ROBO1: variants seen among roughly 807,000 people sequenced by gnomAD.
ROBO1 encodes roundabout guidance receptor 1, also known as roundabout homolog 1.
Under a neutral mutation model 195.9 loss-of-function variants are expected in ROBO1, and 149 were observed. The observed-to-expected ratio is 0.76, with a 90% confidence interval of 0.67 to 0.87. The LOEUF (loss-of-function observed/expected upper bound fraction) is 0.87, where lower values mean the gene tolerates loss of function less well. ROBO1 is among the 40% of genes least tolerant of loss of function. The probability of loss-of-function intolerance (pLI) is 0.00; values close to 1 mark genes in which losing one functional copy is unlikely to be tolerated. For missense variants in ROBO1, 1,933 were observed against 2,068.3 expected (o/e 0.93, Z 1.27); for synonymous variants, 816 against 733.2 (o/e 1.11, Z -1.82).
intron 3 of ROBO1, among the ~76,000 whole-genome samples, chr3:78,984,984 T>C (rs2077073647): frequency 6.6e-6 from 1 of 152,186 alleles, no homozygotes; most frequent in Admixed American, 6.5e-5. Context: ...GAAGACTTTA[T>C]GATGATCAAC....
At chr3:78,611,354 G>C (rs9815960) in intron 28 of ROBO1, among the ~76,000 whole-genome samples, 9,061 of 152,224 alleles carry the variant, frequency 0.06, 403 homozygotes, top group African/African-American at 0.12. Flanking sequence ...GCATTAGAGA[G>C]GTTGAAGAGA....
intron 1 of ROBO1, among the ~76,000 whole-genome samples, chr3:79,593,689 C>T (rs972817267): frequency 6.6e-6 from 1 of 151,962 alleles, no homozygotes; most frequent in Non-Finnish European, 1.5e-5. Context: ...TGGCTCACTG[C>T]AACCTCCGCC....
At chr3:79,022,170 A>C (rs1365473594) in intron 3 of ROBO1, among the ~76,000 whole-genome samples, 1 of 152,194 alleles carries the variant, frequency 6.6e-6, no homozygotes, top group Non-Finnish European at 1.5e-5. Context: ...GGCATTACGG[A>C]TCTATAAGAA....
intron 4 of ROBO1, among the ~76,000 whole-genome samples, chr3:78,756,633 T>C (rs2082939200): frequency 2.0e-5 from 3 of 152,238 alleles, no homozygotes; most frequent in East Asian, 1.9e-4. Flanking sequence ...TTTTTCTCTC[T>C]CCTTTGTGTG....
intron 1 of ROBO1, among the ~76,000 whole-genome samples, chr3:79,639,494 A>T (rs997263462): frequency 6.6e-6 from 1 of 152,172 alleles, no homozygotes; most frequent in Non-Finnish European, 1.5e-5. Flanking sequence ...GGTTGGAAAA[A>T]AACTCATAAG....
chr3:78,848,691 G>A (rs531915530), intron 4 of ROBO1, among the ~76,000 whole-genome samples: 190 of 152,220 alleles, frequency 1.2e-3, no homozygotes, highest in African/African-American at 4.3e-3. Flanking sequence ...AAGAAGGACA[G>A]CGATCATTAT....
chr3:79,275,985 A>C (rs2030999825), intron 2 of ROBO1, among the ~76,000 whole-genome samples: 1 of 152,042 alleles, frequency 6.6e-6, no homozygotes, highest in South Asian at 2.1e-4. Flanking sequence ...GAGGACACAA[A>C]AATGGAAAGC....
intron 1 of ROBO1, among the ~76,000 whole-genome samples, chr3:79,679,834 T>C (rs1946890756): frequency 6.6e-6 from 1 of 151,938 alleles, no homozygotes; most frequent in Non-Finnish European, 1.5e-5. Context: ...CTACAGGCTT[T>C]ATGAGAACAA....
At chr3:79,563,792 A>G (rs552858158) in intron 2 of ROBO1, among the ~76,000 whole-genome samples, 1 of 152,220 alleles carries the variant, frequency 6.6e-6, no homozygotes, top group East Asian at 1.9e-4. Context: ...AAATCTATTT[A>G]ATGCAGAAAA....
intron 2 of ROBO1, among the ~76,000 whole-genome samples, chr3:79,156,073 C>T (rs1452393339): frequency 6.6e-6 from 1 of 151,716 alleles, no homozygotes; most frequent in Non-Finnish European, 1.5e-5. Flanking sequence ...CACTCCTAAA[C>T]ACCCTTAGTC....
intron 2 of ROBO1, among the ~76,000 whole-genome samples, chr3:79,448,529 C>G (rs899047757): frequency 6.6e-6 from 1 of 151,908 alleles, no homozygotes; most frequent in African/African-American, 2.4e-5. Context: ...GCTATTTGTC[C>G]TCCATTATAC....
intron 10 of ROBO1, among the ~76,000 whole-genome samples, chr3:78,675,384 G>A (rs905858845): frequency 3.9e-5 from 6 of 152,290 alleles, no homozygotes; most frequent in East Asian, 3.9e-4. Context: ...CTCGGGAAGC[G>A]CAAGGGGTCA....
At chr3:79,381,320 G>T (rs1184766866) in intron 2 of ROBO1, among the ~76,000 whole-genome samples, 1 of 127,428 alleles carries the variant, frequency 7.8e-6, no homozygotes, top group African/African-American at 3.0e-5. Flanking sequence ...CCATGCCATT[G>T]CACTCCAGCC....
intron 5 of ROBO1, among the ~76,000 whole-genome samples, chr3:78,728,842 C>T (rs2082222556): frequency 6.6e-6 from 1 of 152,158 alleles, no homozygotes; most frequent in African/African-American, 2.4e-5. Context: ...CATTGGCGTC[C>T]CATATTTGCC....
chr3:79,067,927 T>G (rs555171460), intron 3 of ROBO1, among the ~76,000 whole-genome samples: 1 of 152,032 alleles, frequency 6.6e-6, no homozygotes, highest in Admixed American at 6.6e-5. Flanking sequence ...CAGGCCTTGA[T>G]TCCTCCTCAC....
intron 1 of ROBO1, among the ~76,000 whole-genome samples, chr3:79,665,647 TA>T (rs1461516502): frequency 6.6e-6 from 1 of 152,020 alleles, no homozygotes; most frequent in East Asian, 1.9e-4. Flanking sequence ...GATCACCACC[TA>T]AAAATTTCAA....
chr3:79,046,143 C>A (rs1364448738), intron 3 of ROBO1, among the ~76,000 whole-genome samples: 1 of 152,070 alleles, frequency 6.6e-6, no homozygotes, highest in Non-Finnish European at 1.5e-5. Flanking sequence ...GTGGTTTCTG[C>A]CTTGAGTGTT....
At chr3:79,409,527 A>C (rs145509570) in intron 2 of ROBO1, among the ~76,000 whole-genome samples, 1 of 152,160 alleles carries the variant, frequency 6.6e-6, no homozygotes, top group African/African-American at 2.4e-5. Context: ...GTCCATCATA[A>C]CTTCCTCATT....
At chr3:79,160,191 C>G (rs1170280789) in intron 2 of ROBO1, among the ~76,000 whole-genome samples, 1 of 151,384 alleles carries the variant, frequency 6.6e-6, no homozygotes, top group Non-Finnish European at 1.5e-5. Flanking sequence ...ATTTCTCAAG[C>G]GTTGATGTTC....
Sources: gnomAD v4.1 joint callset for allele counts (sites outside exome capture counted in the v4.1 genomes callset) on GRCh38, gnomAD v4.1.1 for gene constraint, MANE v1.5 for transcripts, NCBI Gene and HGNC (gene_info 2026-07-23, HGNC 2026-07-21) for gene names.